The following ADGRE5 variants were observed in gnomAD, a reference collection of about 807,000 sequenced individuals.
ADGRE5 encodes the protein CD97 molecule.
ADGRE5 carries 72 observed loss-of-function variants against 100.3 expected under a neutral mutation model. The observed-to-expected ratio is 0.72, with a 90% CI of 0.59 to 0.87. The LOEUF (loss-of-function observed/expected upper bound fraction) is 0.87, where lower values mean the gene tolerates loss of function less well. Ranked by LOEUF, ADGRE5 falls within the 40% of genes least tolerant of loss-of-function variation. The pLI is 0.00. For synonymous variants in ADGRE5, 439 were observed against 447.8 expected, an observed-to-expected ratio of 0.98 and a Z score of 0.25; for missense variants, 959 against 1,094.7, an observed-to-expected ratio of 0.88 and a Z score of 1.75.
intron 4 of ADGRE5, among the ~76,000 whole-genome samples, chr19:14,392,365 A>G (rs946873175): frequency 2.6e-5 from 4 of 151,118 alleles, no homozygotes; most frequent in African/African-American, 9.7e-5. Context: ...CAGTAGTGTG[A>G]TCTCGGCTCA....
intron 18 of ADGRE5, 122 bp from the exon 19 acceptor site, chr19:14,407,786 C>A: frequency 1.3e-6 from 1 of 785,490 alleles, no homozygotes; most frequent in Admixed American, 2.3e-5. Context: ...CAGGGGGACC[C>A]GATCTCAAAA....
Position 14,407,057 on chromosome 19 carries a change from G to A in ADGRE5, c.2208-4G>A, listed in dbSNP as rs376707519. ...GGCCCACGCTGCAACCCCGCTCCTCGCAGGGCGCTGACCATCACGGCCATC... is the reference window on the plus strand; with the variant it reads ...GGCCCACGCTGCAACCCCGCTCCTCACAGGGCGCTGACCATCACGGCCATC... On this transcript the variant is annotated splice_polypyrimidine_tract_variant and splice_region_variant and intron_variant, in intron 17 of 19. Transcript: ENST00000242786. The A allele has an allele frequency of 6.4e-5, 103 of 1,613,880 alleles. 1 individual carries two copies. The Middle Eastern group carries it at 4.1e-3, about 64-fold the overall frequency.
rs138614688 is a variant in ADGRE5 at position 14,404,386 on chromosome 19, G to T, written c.1453G>T (p.Val485Leu). ...GACCACCCCCATCTGCCCACAGGAC[G>T]TGATGCCTGGGCCACGGCAGGAGCT... ...EAGRDPPAKD[V>L]MPGPRQELLC... The change falls in exon 13 of 20, where the codon GTG becomes TTG. Residue 485 changes from valine to leucine, a missense_variant. Physicochemically the swap from Val to Leu is conservative, Grantham distance 32. Around this residue, in one of 6 missense-constraint regions of ADGRE5, gnomAD observed 246 missense variants for 242.2 expected, o/e 1.02. Transcript: ENST00000242786. The T allele has an allele frequency of 6.2e-7, 1 of 1,608,378 alleles. No individual in the cohort carries two copies.
At chr19:14,398,245 A>G (rs1975860356) in intron 9 of ADGRE5, 106 bp downstream of exon 9, 2 of 960,338 alleles carry the variant, frequency 2.1e-6, no homozygotes, top group East Asian at 2.5e-5. Context: ...CTCTAGTCAG[A>G]GACACACATG....
At chr19:14,393,325 C>A (rs920360860) in intron 4 of ADGRE5, among the ~76,000 whole-genome samples, 1 of 152,134 alleles carries the variant, frequency 6.6e-6, no homozygotes, top group East Asian at 1.9e-4. Flanking sequence ...CCGTAGGGTG[C>A]GAGATCAGAG....
chr19:14,406,321 C>T lies in ADGRE5; in HGVS notation c.1822-10C>T. ...TGACGTCGCTCCGCCCCTCCGTCCC[C>T]GCCCCGCAGGTGGGGCTGCGCTGCC... On this transcript the variant is annotated splice_polypyrimidine_tract_variant and intron_variant, in intron 14 of 19. Coordinates refer to ENST00000242786, the MANE Select transcript of ADGRE5 (RefSeq NM_078481.4). This position sits in a 1 kb window ranked among gnomAD's most constrained non-coding sequence, Gnocchi z 6.0. 7.8e-6 allele frequency: 12 copies of T among 1,546,576 alleles called. No homozygotes were observed. Among genetic ancestry groups the T allele is most frequent in the Non-Finnish European group, 9.6e-6 (11 of 1,147,970 alleles).
At position 14,388,802 on chromosome 19, in the gene ADGRE5, G is replaced by C. The variant is rs150665764; in HGVS notation, c.174G>C (p.Pro58=). 27,186 of 1,588,518 alleles carry C rather than the reference G, an allele frequency of 0.017. 892 individuals carry two copies. Among genetic ancestry groups the C allele is most frequent in the Admixed American group, 0.11 (6,199 of 57,432 alleles). ...FSSFSEIITT[P]TETCDDINEC... is the part of the protein sequence containing the mutation. ...CTTTTTCTGAGATCATCACCACCCC[G>C]ACGGAGACTTGTGACGGTACAGAGG... Residue 58 remains proline, a synonymous_variant, in exon 3 of 20, where the codon CCG becomes CCC. Coordinates refer to ENST00000242786, the MANE Select transcript of ADGRE5 (RefSeq NM_078481.4).
chr19:14,381,515 G>T lies in ADGRE5; in HGVS notation c.-9G>T. On this transcript the variant is annotated 5_prime_UTR_variant, in exon 1 of 20. Coordinates refer to ENST00000242786, the MANE Select transcript of ADGRE5 (RefSeq NM_078481.4). ...CTTTCCCCTGCCGCTCCTGCCGGCA[G>T]CTCCAACCATGGGAGGCCGCGTCTT... is the stretch of plus-strand genomic sequence containing the variant. 1 of 1,609,840 alleles carries T rather than the reference G, an allele frequency of 6.2e-7. No homozygotes were observed. Among genetic ancestry groups the T allele is most frequent in the African/African-American group, 1.3e-5 (1 of 74,358 alleles).
Position 14,406,075 on chromosome 19 carries a change from C to A in ADGRE5, c.1821+136C>A. The A allele has an allele frequency of 3.8e-6, 3 of 795,396 alleles. No homozygotes were observed. The highest frequency in any genetic ancestry group is 1.8e-5 in the South Asian group (1 of 55,108). 49.3% of individuals were successfully genotyped at this position (795,396 alleles called of 1,614,324 possible). A position where few individuals can be genotyped will look rare whatever the true frequency, so the allele number is the denominator to read the frequency against. ...GGCCCCGCCCCTGTCCGGGATCTGG[C>A]CCCGCCCACCGGGGGGTCGGGTTGT... On this transcript the variant is annotated intron_variant, in intron 14 of 19. Coordinates refer to ENST00000242786, the MANE Select transcript of ADGRE5 (RefSeq NM_078481.4). The surrounding 1 kb of genome is among the most constrained non-coding windows in gnomAD (Gnocchi z 6.0).
At chr19:14,394,950 C>A (rs2146358969) in intron 4 of ADGRE5, among the ~76,000 whole-genome samples, 1 of 152,244 alleles carries the variant, frequency 6.6e-6, no homozygotes, top group Admixed American at 6.5e-5. Flanking sequence ...CCGTCAATGA[C>A]CAAAGCTTGG....
chr19:14,396,628 G>C (rs1323760066), intron 5 of ADGRE5, among the ~76,000 whole-genome samples, 155 bp downstream of exon 5: 1 of 152,246 alleles, frequency 6.6e-6, no homozygotes, highest in African/African-American at 2.4e-5. Context: ...CACCTCCCAG[G>C]AAGGTCCTGC....
chr19:14,383,838 A>C (rs1037762398), intron 1 of ADGRE5, among the ~76,000 whole-genome samples: 8 of 151,838 alleles, frequency 5.3e-5, no homozygotes, highest in African/African-American at 1.9e-4. Flanking sequence ...TGGGGCACAA[A>C]GGAACCCTGC....
Position 14,390,937 on chromosome 19 carries a change from T to G in ADGRE5, c.204T>G (p.Cys68Trp). ...PTETCDDINE[C>W]ATPSKVSCGK... Reference sequence around the variant, plus strand: ...GTTGTGTTCCAGACATCAACGAGTGTGCAACACCGTCGAAAGTGTCATGCG... The same window carrying G: ...GTTGTGTTCCAGACATCAACGAGTGGGCAACACCGTCGAAAGTGTCATGCG... The change falls in exon 4 of 20, where the codon TGT (cysteine) becomes TGG (tryptophan). Residue 68 changes from cysteine (C) to tryptophan (W), a missense_variant. Transcript: ENST00000242786. The G allele has an allele frequency of 1.9e-6, 3 of 1,614,202 alleles. No homozygotes were observed. The highest frequency in any genetic ancestry group is 2.5e-6 in the Non-Finnish European group (3 of 1,180,036).
chr19:14,399,329 G>T (rs1975911774), intron 9 of ADGRE5, among the ~76,000 whole-genome samples: 1 of 151,358 alleles, frequency 6.6e-6, no homozygotes, highest in Non-Finnish European at 1.5e-5. Context: ...TTGGGAGGCT[G>T]AGGCAGGTGG....
At chr19:14,398,304 C>G (rs1975863007) in intron 9 of ADGRE5, 165 bp downstream of exon 9, 2 of 645,046 alleles carry the variant, frequency 3.1e-6, no homozygotes, top group African/African-American at 1.8e-5. Context: ...ACATACACAC[C>G]CGGACACGTG....
chr19:14,399,865 G>A (rs1041240821), intron 9 of ADGRE5, among the ~76,000 whole-genome samples: 5 of 151,974 alleles, frequency 3.3e-5, no homozygotes, highest in South Asian at 2.1e-4. Flanking sequence ...TTAGAGATAC[G>A]GTCTTGTTTT....
chr19:14,385,616 G>T (rs1975319662), intron 1 of ADGRE5, among the ~76,000 whole-genome samples: 1 of 151,628 alleles, frequency 6.6e-6, no homozygotes, highest in Non-Finnish European at 1.5e-5. Context: ...GTCTTCCTGT[G>T]GGAGGGGGGC....
chr19:14,397,437 G>A (rs1278807553), intron 6 of ADGRE5: 1 of 637,344 alleles, frequency 1.6e-6, no homozygotes, highest in Non-Finnish European at 2.8e-6. Context: ...CCAGGCAACA[G>A]CTGATGACTC....
intron 6 of ADGRE5, 109 bp downstream of exon 6, chr19:14,397,332 C>T: frequency 6.5e-7 from 1 of 1,550,158 alleles, no homozygotes; most frequent in Non-Finnish European, 8.8e-7. Context: ...CCTGGCTGTG[C>T]CAGGCGTTCG....
Sources: gnomAD v4.1 joint callset for allele counts (sites outside exome capture counted in the v4.1 genomes callset) on GRCh38, gnomAD v4.1.1 for gene constraint, gnomAD v4.1.1 regional missense constraint, Gnocchi (gnomAD v3.1) non-coding constraint, MANE v1.5 for transcripts, NCBI Gene and HGNC (gene_info 2026-07-23, HGNC 2026-07-21) for gene names.